ZNF775: variants seen among roughly 807,000 people sequenced by gnomAD.
The protein encoded by ZNF775 is zinc finger protein 775.
A neutral mutation model predicts 2.4 loss-of-function variants in ZNF775; 1 was observed. The ratio of observed to expected loss-of-function variants is 0.41; its 90% CI spans 0.15 to 1.94. ZNF775 has a LOEUF of 1.94. ZNF775 is among the 30% of genes most tolerant of loss of function. The probability of loss-of-function intolerance (pLI) is 0.30; values close to 1 mark genes in which losing one functional copy is unlikely to be tolerated. For synonymous variants in ZNF775, 381 were observed against 373.3 expected (o/e 1.02, Z -0.24); for missense variants, 823 against 826.6 (o/e 1.00, Z 0.05).
At position 150,398,022 on chromosome 7, in the gene ZNF775, A is replaced by G; in HGVS notation, c.1541A>G (p.Lys514Arg). ...CPACGRGFSQKQHLLKHQRVH... is the reference protein window; with the variant it reads ...CPACGRGFSQRQHLLKHQRVH... The stretch of plus-strand genomic sequence containing the variant: ...GCCTGCGGCCGCGGCTTCAGCCAGA[A>G]GCAGCACCTGCTCAAGCACCAGCGC... Residue 514 changes from lysine to arginine, a missense_variant, in exon 3 of 3, where the codon AAG becomes AGG. Lys to Arg is a conservative substitution (Grantham distance 26, BLOSUM62 2). Coordinates refer to ENST00000329630, the MANE Select transcript of ZNF775 (RefSeq NM_173680.4). 6.3e-7 allele frequency: 1 copy of G among 1,581,616 alleles called. No individual in the cohort carries two copies. Among genetic ancestry groups the G allele is most frequent in the South Asian group, 1.1e-5 (1 of 88,852 alleles).
chr7:150,389,444 C>G (rs1800517754), intron 2 of ZNF775, among the ~76,000 whole-genome samples: 1 of 152,266 alleles, frequency 6.6e-6, no homozygotes, highest in Non-Finnish European at 1.5e-5. Context: ...GACACAGACC[C>G]TCAGGGAGCC....
chr7:150,387,674 G>A (rs1266272127), intron 1 of ZNF775, among the ~76,000 whole-genome samples: 2 of 152,164 alleles, frequency 1.3e-5, no homozygotes, highest in Non-Finnish European at 1.5e-5. Context: ...ATAGCCAGGC[G>A]TGGTGGCGGG....
intron 1 of ZNF775, among the ~76,000 whole-genome samples, chr7:150,381,077 A>G (rs1800351556): frequency 6.6e-6 from 1 of 152,166 alleles, no homozygotes; most frequent in Non-Finnish European, 1.5e-5. Flanking sequence ...CTCGGCCTTC[A>G]GCTCAGATGC....
chr7:150,388,116 G>T (rs887036407), intron 1 of ZNF775, among the ~76,000 whole-genome samples: 5 of 152,162 alleles, frequency 3.3e-5, no homozygotes, highest in Admixed American at 1.3e-4. Context: ...GTGGGCTCTC[G>T]TGTGGGAGTT....
rs544649781 is a variant in ZNF775 at position 150,398,118 on chromosome 7, G to A, written c.*23G>A. On this transcript the variant is annotated 3_prime_UTR_variant, in exon 3 of 3. Coordinates refer to ENST00000329630, the MANE Select transcript of ZNF775 (RefSeq NM_173680.4). ...TAGTGGACTGGACCTCAGCGGACCC[G>A]TGGTGGTGCGGGGGATGTTTGCGGG... The A allele has an allele frequency of 1.6e-5, 25 of 1,536,628 alleles. No individual in the cohort carries two copies. Among genetic ancestry groups the A allele is most frequent in the African/African-American group, 1.4e-4 (10 of 73,022 alleles).
chr7:150,394,161 C>G (rs1800608428), intron 2 of ZNF775, among the ~76,000 whole-genome samples: 1 of 152,224 alleles, frequency 6.6e-6, no homozygotes, highest in South Asian at 2.1e-4. Context: ...GGCTTCTCAT[C>G]TAAGAATATG....
intron 2 of ZNF775, among the ~76,000 whole-genome samples, chr7:150,390,131 C>T (rs1281714217): frequency 2.6e-5 from 4 of 152,250 alleles, no homozygotes; most frequent in African/African-American, 9.6e-5. Context: ...TGATCCTTTT[C>T]ATGATGACTG....
chr7:150,381,936 AGAG>A (rs1468285536), intron 1 of ZNF775, among the ~76,000 whole-genome samples: 11 of 139,722 alleles, frequency 7.9e-5, no homozygotes, highest in Admixed American at 7.1e-4. Context: ...GGGAAGTTGG[AGAG>A]GAGCAGGGTG....
chr7:150,396,240 A>G (rs1180035091), intron 2 of ZNF775, among the ~76,000 whole-genome samples: 1 of 152,064 alleles, frequency 6.6e-6, no homozygotes, highest in African/African-American at 2.4e-5. Flanking sequence ...TGATTCACTT[A>G]CGGTTCCTTT....
chr7:150,395,284 T>C (rs1179724744), intron 2 of ZNF775, among the ~76,000 whole-genome samples: 1 of 152,242 alleles, frequency 6.6e-6, no homozygotes, highest in Non-Finnish European at 1.5e-5. Context: ...GTCCCTTATC[T>C]ATAATCTGTT....
intron 2 of ZNF775, among the ~76,000 whole-genome samples, chr7:150,394,565 G>A (rs941472109): frequency 1.3e-5 from 2 of 151,840 alleles, no homozygotes; most frequent in East Asian, 1.9e-4. Context: ...TATAATGTTC[G>A]CTGTAATTTC....
In ZNF775 at chr7:150,397,413, G is replaced by A. The variant is rs1190557525; in HGVS notation, c.932G>A (p.Cys311Tyr). The A allele has an allele frequency of 1.3e-6, 2 of 1,597,266 alleles. No individual in the cohort carries two copies. Residue 311 changes from cysteine to tyrosine, a missense_variant, in exon 3 of 3, where the codon TGC becomes TAC. By Grantham distance (194) the Cys-to-Tyr change is radical (BLOSUM62 -2). Transcript: ENST00000329630. ...CACACTGGCGAGCGCCCCTATGCGT[G>A]CCCCGAGTGCGGCCGCCGCTTCAGC... Reference protein sequence around the residue: ...RIHTGERPYACPECGRRFSQK... With the variant: ...RIHTGERPYAYPECGRRFSQK...
intron 1 of ZNF775, among the ~76,000 whole-genome samples, chr7:150,386,372 A>T (rs1435121543): frequency 1.3e-5 from 2 of 152,226 alleles, no homozygotes; most frequent in African/African-American, 4.8e-5. Context: ...ATGCTCTTGA[A>T]AAAAGTGGGT....
intron 2 of ZNF775, among the ~76,000 whole-genome samples, chr7:150,388,946 C>T (rs1195501176): frequency 1.3e-5 from 2 of 152,210 alleles, no homozygotes; most frequent in Non-Finnish European, 2.9e-5. Flanking sequence ...AGTTCAGGGT[C>T]GTTATTGGCT....
At chr7:150,396,429 CCT>C in intron 2 of ZNF775, 82 bp from the exon 3 acceptor site, 11 of 1,457,300 alleles carry the variant, frequency 7.5e-6, no homozygotes, top group Non-Finnish European at 1.0e-5. Context: ...GCACCACTTC[CCT>C]CTCTCTTGCT....
chr7:150,394,950 A>G (rs1044891289), intron 2 of ZNF775, among the ~76,000 whole-genome samples: 2 of 152,208 alleles, frequency 1.3e-5, no homozygotes, highest in Admixed American at 6.5e-5. Context: ...TTGGCTTGAT[A>G]CTGGAGTTAT....
chr7:150,388,774 T>C (rs1302010324), intron 2 of ZNF775, among the ~76,000 whole-genome samples: 2 of 152,180 alleles, frequency 1.3e-5, no homozygotes, highest in Non-Finnish European at 2.9e-5. Flanking sequence ...CTTGTAGAAA[T>C]TGAGGTGTTA....
intron 2 of ZNF775, among the ~76,000 whole-genome samples, chr7:150,388,745 G>A (rs924753610): frequency 6.6e-6 from 1 of 152,234 alleles, no homozygotes; most frequent in Non-Finnish European, 1.5e-5. Context: ...CCAGCAAGGG[G>A]ACACATGTGC....
At chr7:150,388,216 T>C (rs540214855) in intron 1 of ZNF775, among the ~76,000 whole-genome samples, 2 of 152,206 alleles carry the variant, frequency 1.3e-5, no homozygotes, top group South Asian at 4.1e-4. Flanking sequence ...AGTTTCCTCT[T>C]TTGTAAAATG....
Sources: gnomAD v4.1 joint callset for allele counts (sites outside exome capture counted in the v4.1 genomes callset) on GRCh38, gnomAD v4.1.1 for gene constraint, MANE v1.5 for transcripts, NCBI Gene and HGNC (gene_info 2026-07-23, HGNC 2026-07-21) for gene names.